CLEC16A: variants seen among roughly 807,000 people sequenced by gnomAD.
The protein encoded by CLEC16A is protein CLEC16A.
Under a neutral mutation model 109.5 loss-of-function variants are expected in CLEC16A, and 51 were observed. The observed-to-expected ratio is 0.47, with a 90% confidence interval of 0.37 to 0.59. The LOEUF (loss-of-function observed/expected upper bound fraction) is 0.59. Ranked by LOEUF, CLEC16A falls within the 20% of genes least tolerant of loss-of-function variation. The pLI, the probability that CLEC16A is intolerant of heterozygous loss-of-function variation, is 0.00. For missense variants in CLEC16A, 1,339 were observed against 1,394.0 expected, an observed-to-expected ratio of 0.96 and a Z score of 0.63; for synonymous variants, 673 against 564.2, an observed-to-expected ratio of 1.19 and a Z score of -2.73.
chr16:11,074,920 C>A (rs190530377), intron 19 of CLEC16A, among the ~76,000 whole-genome samples: 20 of 152,220 alleles, frequency 1.3e-4, no homozygotes, highest in Admixed American at 3.9e-4. Flanking sequence ...TGCCTATAAT[C>A]CCAGCACTTT....
At chr16:11,150,677 G>T (rs189571412) in intron 22 of CLEC16A, among the ~76,000 whole-genome samples, 55 of 152,286 alleles carry the variant, frequency 3.6e-4, no homozygotes, top group African/African-American at 1.3e-3. Context: ...CTGAGTGTTA[G>T]TTTCCTGAGG....
chr16:11,102,528 G>A (rs1158000695), intron 19 of CLEC16A, among the ~76,000 whole-genome samples: 1 of 152,208 alleles, frequency 6.6e-6, no homozygotes, highest in East Asian at 1.9e-4. Context: ...CTGCCAAACG[G>A]CTATAAATGT....
At chr16:11,012,465 C>T (rs886169401) in intron 11 of CLEC16A, among the ~76,000 whole-genome samples, 1 of 151,774 alleles carries the variant, frequency 6.6e-6, no homozygotes, top group African/African-American at 2.4e-5. Context: ...CGGAATGGCA[C>T]GTGCCTGTAG....
Position 11,007,703 on chromosome 16 carries a change from C to T in CLEC16A, c.1303+4398C>T, listed in dbSNP as rs78165740. ...TGTGGTTGCATGACCTCCACTTGGGCACCAAGCACGTTTCTGTGGGACCCG... is the reference window on the plus strand; with the variant it reads ...TGTGGTTGCATGACCTCCACTTGGGTACCAAGCACGTTTCTGTGGGACCCG... On this transcript the variant is annotated intron_variant, in intron 11 of 23. Coordinates refer to ENST00000409790, the MANE Select transcript of CLEC16A (RefSeq NM_015226.3). Among the ~76,000 whole-genome samples, 74 of 152,320 alleles carry T rather than the reference C, an allele frequency of 4.9e-4. No homozygotes were observed. In the East Asian group the frequency reaches 0.013, roughly 27 times the overall value.
intron 12 of CLEC16A, among the ~76,000 whole-genome samples, chr16:11,022,556 T>G (rs1449001634): frequency 6.6e-6 from 1 of 151,852 alleles, no homozygotes; most frequent in Non-Finnish European, 1.5e-5. Context: ...AAACAGACTG[T>G]TTTTATATTC....
chr16:11,039,895 G>A lies in CLEC16A; in HGVS notation c.1660+19G>A. 6.2e-7 allele frequency: 1 copy of A among 1,610,538 alleles called. No individual in the cohort carries two copies. Among genetic ancestry groups the A allele is most frequent in the Non-Finnish European group, 8.5e-7 (1 of 1,178,410 alleles). On this transcript the variant is annotated intron_variant, in intron 14 of 23. Coordinates refer to ENST00000409790, the MANE Select transcript of CLEC16A (RefSeq NM_015226.3). ...CAGCCAGGTGCCCACTTGGGGTGTT[G>A]TCTGTCCACAGGGCCACGCAGTTGT...
intron 19 of CLEC16A, among the ~76,000 whole-genome samples, chr16:11,065,260 A>C (rs2048699295): frequency 6.6e-6 from 1 of 152,144 alleles, no homozygotes; most frequent in African/African-American, 2.4e-5. Flanking sequence ...ATAGGGGAGA[A>C]ATCTGTCCAT....
At chr16:10,966,099 CT>C (rs1285614021) in intron 3 of CLEC16A, among the ~76,000 whole-genome samples, 2 of 152,154 alleles carry the variant, frequency 1.3e-5, no homozygotes, top group African/African-American at 4.8e-5. Flanking sequence ...AAGAAGTGCT[CT>C]GGGTATCAGA....
At chr16:11,139,506 T>A (rs928376980) in intron 22 of CLEC16A, among the ~76,000 whole-genome samples, 1 of 152,230 alleles carries the variant, frequency 6.6e-6, no homozygotes, top group Non-Finnish European at 1.5e-5. Flanking sequence ...TATCCCAGTG[T>A]GATAGGAATG....
At chr16:11,069,152 G>C (rs1317318550) in intron 19 of CLEC16A, among the ~76,000 whole-genome samples, 3 of 152,190 alleles carry the variant, frequency 2.0e-5, no homozygotes, top group Non-Finnish European at 4.4e-5. Flanking sequence ...TTTTGAGACA[G>C]GGTTTCACTC....
At chr16:11,056,723 A>G (rs1440584787) in intron 18 of CLEC16A, 4 of 152,228 alleles carry the variant, frequency 2.6e-5, no homozygotes, top group African/African-American at 2.4e-5. Flanking sequence ...AGAAAATACA[A>G]TAACATCTCA....
chr16:11,172,343 C>G (rs1215856515), intron 23 of CLEC16A, among the ~76,000 whole-genome samples: 2 of 152,192 alleles, frequency 1.3e-5, no homozygotes, highest in African/African-American at 4.8e-5. Flanking sequence ...CACACACACT[C>G]TGAGTGAGAT....
At chr16:11,023,566 G>T (rs894935869) in intron 12 of CLEC16A, among the ~76,000 whole-genome samples, 5 of 151,004 alleles carry the variant, frequency 3.3e-5, no homozygotes, top group African/African-American at 1.2e-4. Flanking sequence ...TAGTTTTTGT[G>T]TGTCACGTGT....
In CLEC16A at chr16:11,027,374, T is replaced by G; in HGVS notation, c.1537+2453T>G. On this transcript the variant is annotated intron_variant, in intron 13 of 23. Coordinates refer to ENST00000409790, the MANE Select transcript of CLEC16A (RefSeq NM_015226.3). ...GACTTTGCCTAAAGAAAATTTTTAGTGGTGTCTTTGTAAAAGTCACCCCCC... is the reference window on the plus strand; with the variant it reads ...GACTTTGCCTAAAGAAAATTTTTAGGGGTGTCTTTGTAAAAGTCACCCCCC... The G allele has an allele frequency of 2.2e-6, 3 of 1,387,738 alleles. No homozygotes were observed. The South Asian group carries it at 3.5e-5, about 16-fold the overall frequency. The allele number at this position is 1,387,738 out of a possible 1,614,324, so 86.0% of individuals were successfully genotyped here.
intron 2 of CLEC16A, 74 bp from the exon 3 acceptor site, chr16:10,962,381 G>C: frequency 6.3e-7 from 1 of 1,583,546 alleles, no homozygotes; most frequent in South Asian, 1.1e-5. Flanking sequence ...CTTGTGTTGT[G>C]AATGAAACCA....
chr16:10,948,822 T>A (rs536460015), intron 1 of CLEC16A, among the ~76,000 whole-genome samples: 1 of 152,328 alleles, frequency 6.6e-6, no homozygotes, highest in South Asian at 2.1e-4. Context: ...TTTTTCCTGT[T>A]GGTGTCATTT....
intron 13 of CLEC16A, among the ~76,000 whole-genome samples, chr16:11,025,813 T>C (rs912020242): frequency 6.6e-6 from 1 of 152,200 alleles, no homozygotes; most frequent in Non-Finnish European, 1.5e-5. Flanking sequence ...GAAGGGTATA[T>C]AGGGAAAAAG....
intron 19 of CLEC16A, among the ~76,000 whole-genome samples, chr16:11,089,555 G>A (rs1230198306): frequency 2.0e-5 from 3 of 152,144 alleles, no homozygotes; most frequent in African/African-American, 7.2e-5. Context: ...TGCCAACAGC[G>A]CAGGGAAATG....
At chr16:10,972,436 C>G in intron 5 of CLEC16A, 118 bp from the exon 6 acceptor site, 1 of 853,190 alleles carries the variant, frequency 1.2e-6, no homozygotes, top group South Asian at 1.4e-5. Context: ...GCAGATGCCT[C>G]CCACCCTAGT....
Sources: gnomAD v4.1 joint callset for allele counts (sites outside exome capture counted in the v4.1 genomes callset) on GRCh38, gnomAD v4.1.1 for gene constraint, MANE v1.5 for transcripts, NCBI Gene and HGNC (gene_info 2026-07-23, HGNC 2026-07-21) for gene names.